The following FREM2 variants were observed in gnomAD, a reference collection of about 807,000 sequenced individuals.
FREM2 encodes FRAS1 related extracellular matrix 2, also known as FRAS1-related extracellular matrix protein 2.
A neutral mutation model predicts 219.9 loss-of-function variants in FREM2; 119 were observed. The observed-to-expected ratio is 0.54, with a 90% CI of 0.47 to 0.63. The LOEUF (loss-of-function observed/expected upper bound fraction) is 0.63, where lower values mean the gene tolerates loss of function less well. Ranked by LOEUF, FREM2 falls within the 30% of genes least tolerant of loss-of-function variation. The probability of loss-of-function intolerance (pLI) is 0.00; values close to 1 mark genes in which losing one functional copy is unlikely to be tolerated. For synonymous variants in FREM2, 1,562 were observed against 1,522.8 expected (o/e 1.03, Z -0.60); for missense variants, 4,030 against 3,993.6 (o/e 1.01, Z -0.25).
rs1878581789 is a variant in FREM2, at chr13:38,882,449, A to T, written c.*1662A>T. The T allele has an allele frequency of 6.6e-6, 1 of 152,146 alleles. No homozygotes were observed. Among genetic ancestry groups the T allele is most frequent in the Non-Finnish European group, 1.5e-5 (1 of 68,026 alleles). 9.4% of individuals were successfully genotyped at this position (152,146 alleles called of 1,614,324 possible). A position where few individuals can be genotyped will look rare whatever the true frequency, so the allele number is the denominator to read the frequency against. On this transcript the variant is annotated 3_prime_UTR_variant, in exon 24 of 24. Transcript: ENST00000280481. ...ATTTCTTGATCAAGATAAGGAAGCAACACTGATACTGAGAGAGAGGTCATA... is the reference window on the plus strand; with the variant it reads ...ATTTCTTGATCAAGATAAGGAAGCATCACTGATACTGAGAGAGAGGTCATA...
intron 6 of FREM2, among the ~76,000 whole-genome samples, chr13:38,808,985 T>G (rs888625937): frequency 3.3e-5 from 5 of 151,938 alleles, no homozygotes; most frequent in Non-Finnish European, 5.9e-5. Flanking sequence ...TTTTTGGTGC[T>G]TTTCTCCATC....
chr13:38,795,966 A>G (rs140060751), intron 6 of FREM2, among the ~76,000 whole-genome samples: 4 of 152,226 alleles, frequency 2.6e-5, no homozygotes, highest in Non-Finnish European at 4.4e-5. Context: ...TTGTGTGTAT[A>G]CACGATAGTT....
chr13:38,768,779 A>G (rs1345510720), intron 3 of FREM2, among the ~76,000 whole-genome samples: 1 of 152,184 alleles, frequency 6.6e-6, no homozygotes, highest in African/African-American at 2.4e-5. Context: ...GCTTTTGGAT[A>G]ATGTACCCTA....
rs528351329 is a variant in FREM2, at chr13:38,851,205, T to C, written c.6742+97T>C. On this transcript the variant is annotated intron_variant, in intron 10 of 23. Coordinates refer to ENST00000280481, the MANE Select transcript of FREM2 (RefSeq NM_207361.6). The stretch of plus-strand genomic sequence containing the variant: ...GACTCAGAAAAATGCCCCCACCTCC[T>C]CTGCTTTATGACTAGGGTTTTTAAG... The C allele has an allele frequency of 3.4e-5, 41 of 1,199,588 alleles. No homozygotes were observed. In the South Asian group the frequency reaches 4.4e-4, roughly 13 times the overall value. The allele number at this position is 1,199,588 out of a possible 1,614,324, so 74.3% of individuals were successfully genotyped here.
chr13:38,880,451 A>T lies in FREM2; in HGVS notation c.9174A>T (p.Thr3058=). ...GGAAGAAGAGAGAGATCAGGAGCAC[A>T]CCCTCACTGGCATGGGAGATTGGTG... ...KSRKKREIRS[T]PSLAWEIGAE... is the part of the protein sequence containing the mutation. The change falls in exon 24 of 24, where the codon ACA becomes ACT. Residue 3058 remains threonine, a synonymous_variant. Coordinates refer to ENST00000280481, the MANE Select transcript of FREM2 (RefSeq NM_207361.6). 6.2e-7 allele frequency: 1 copy of T among 1,614,030 alleles called. No individual in the cohort carries two copies. The highest frequency in any genetic ancestry group is 8.5e-7 in the Non-Finnish European group (1 of 1,179,990).
intron 6 of FREM2, among the ~76,000 whole-genome samples, chr13:38,788,579 G>A (rs17058605): frequency 0.044 from 6,761 of 151,996 alleles, 521 homozygotes; most frequent in African/African-American, 0.15. Context: ...ATTGACTTAC[G>A]GTCCCTAGGA....
At position 38,691,888 on chromosome 13, in the gene FREM2, G is replaced by A. The variant is rs748397695; in HGVS notation, c.4544G>A (p.Arg1515His). 94 of 1,614,128 alleles carry A rather than the reference G, an allele frequency of 5.8e-5. No homozygotes were observed. Among genetic ancestry groups the A allele is most frequent in the Non-Finnish European group, 6.9e-5 (82 of 1,180,044 alleles). ...DSFEFQVTDG[R>H]NPVFRTFRIS... ...TTTGAGTTTCAAGTCACCGATGGAC[G>A]TAACCCTGTCTTTCGGACATTCCGT... Residue 1515 changes from arginine to histidine, a missense_variant, in exon 1 of 24, where the codon CGT (arginine) becomes CAT (histidine). This residue lies in a region of FREM2 where 3,102 missense variants were observed against 2,950.7 expected (regional missense o/e 1.05). Transcript: ENST00000280481.
At chr13:38,807,832 G>A (rs368986832) in intron 6 of FREM2, among the ~76,000 whole-genome samples, 14 of 151,872 alleles carry the variant, frequency 9.2e-5, no homozygotes, top group African/African-American at 2.9e-4. Context: ...TTTTCTGATT[G>A]GTAAATGACC....
intron 3 of FREM2, among the ~76,000 whole-genome samples, chr13:38,766,122 AT>A (rs1369457216): frequency 2.0e-5 from 3 of 152,202 alleles, no homozygotes; most frequent in Admixed American, 2.0e-4. Context: ...TGGTGAGTTT[AT>A]TTAATTTTTC....
At chr13:38,774,953 C>T (rs1438640266) in intron 4 of FREM2, among the ~76,000 whole-genome samples, 2 of 152,050 alleles carry the variant, frequency 1.3e-5, no homozygotes, top group African/African-American at 4.8e-5. Flanking sequence ...TGGCCAGGAA[C>T]CAGTGGATTA....
chr13:38,788,761 AAAT>A (rs1044080211), intron 6 of FREM2, among the ~76,000 whole-genome samples: 12 of 152,154 alleles, frequency 7.9e-5, no homozygotes, highest in African/African-American at 2.7e-4. Flanking sequence ...TTGAAAAGGA[AAAT>A]ATTATAATGG....
chr13:38,691,350 G>A lies in FREM2; in HGVS notation c.4006G>A (p.Asp1336Asn). The A allele has an allele frequency of 3.1e-6, 5 of 1,613,776 alleles. No homozygotes were observed. The South Asian group carries it at 5.5e-5, about 18-fold the overall frequency. The change falls in exon 1 of 24, where the codon GAC becomes AAC. Residue 1336 changes from aspartate (D) to asparagine (N), a missense_variant. Asp to Asn is a conservative substitution (Grantham distance 23). Transcript: ENST00000280481. ...AATGGCAACAGATTTAGATTCAGAA[G>A]ACAAATCTTTGGTTTATATTATTCG... Reference protein sequence around the residue: ...ILMATDLDSEDKSLVYIIRYG... With the variant: ...ILMATDLDSENKSLVYIIRYG...
chr13:38,872,572 C>G (rs111486804), intron 16 of FREM2, among the ~76,000 whole-genome samples, 170 bp from the exon 17 acceptor site: 2 of 152,110 alleles, frequency 1.3e-5, no homozygotes, highest in African/African-American at 4.8e-5. Flanking sequence ...ACTATTTAAT[C>G]GATCCAAAAT....
chr13:38,867,174 C>T (rs1877998916), intron 16 of FREM2, among the ~76,000 whole-genome samples: 1 of 152,160 alleles, frequency 6.6e-6, no homozygotes, highest in Non-Finnish European at 1.5e-5. Context: ...GTTTTTCCTG[C>T]TAGAAAAGCT....
At chr13:38,825,224 G>A (rs188460262) in intron 6 of FREM2, among the ~76,000 whole-genome samples, 62 of 152,042 alleles carry the variant, frequency 4.1e-4, no homozygotes, top group African/African-American at 1.3e-3. Context: ...AGAACTCTTC[G>A]AAAACAAGGG....
At chr13:38,750,326 G>T (rs1379302277) in intron 2 of FREM2, among the ~76,000 whole-genome samples, 1 of 152,116 alleles carries the variant, frequency 6.6e-6, no homozygotes, top group East Asian at 1.9e-4. Context: ...CACGAGATCC[G>T]ATGGTTTTTA....
chr13:38,733,032 G>A (rs1473073740), intron 2 of FREM2, among the ~76,000 whole-genome samples: 1 of 152,186 alleles, frequency 6.6e-6, no homozygotes, highest in African/African-American at 2.4e-5. Context: ...ATGGAGGTTT[G>A]TTGTTTTTTA....
intron 6 of FREM2, among the ~76,000 whole-genome samples, chr13:38,840,644 A>ATATATATATATATATATATATATATATG (rs1184958401): frequency 7.4e-6 from 1 of 134,266 alleles, no homozygotes; most frequent in African/African-American, 2.9e-5. Context: ...ATATATATAT[A>ATATATATATATATATATATATATATATG]TGTGTATGTA....
intron 2 of FREM2, among the ~76,000 whole-genome samples, chr13:38,740,398 C>G (rs567125608): frequency 2.0e-5 from 3 of 152,204 alleles, no homozygotes; most frequent in African/African-American, 7.2e-5. Flanking sequence ...TCAAACAGTT[C>G]TTTAGCAATG....
Sources: allele counts gnomAD v4.1 joint callset (sites outside exome capture counted in the v4.1 genomes callset), GRCh38; gene constraint gnomAD v4.1.1; regional missense constraint gnomAD v4.1.1; transcripts MANE v1.5; gene names NCBI Gene and HGNC (gene_info 2026-07-23, HGNC 2026-07-21).